Variants in ESYT2 observed in about 807,000 individuals in gnomAD.
The protein encoded by ESYT2 is extended synaptotagmin-2.
ESYT2 carries 54 observed loss-of-function variants against 107.2 expected under a neutral mutation model. The observed-to-expected ratio is 0.50, with a 90% CI of 0.40 to 0.63. The LOEUF (loss-of-function observed/expected upper bound fraction) is 0.63, where lower values mean the gene tolerates loss of function less well. Among genes scored for constraint, ESYT2 ranks in the 30% least tolerant of loss-of-function variants. The pLI is 0.00. For missense variants in ESYT2, 1,020 were observed against 1,094.5 expected (o/e 0.93, Z 0.96); for synonymous variants, 491 against 434.1 (o/e 1.13, Z -1.63).
intron 16 of ESYT2, 88 bp downstream of exon 16, chr7:158,748,106 G>A: frequency 8.4e-7 from 1 of 1,192,406 alleles, no homozygotes. Context: ...ATCCCCAGGT[G>A]TATACACGGG....
At position 158,762,016 on chromosome 7, in the gene ESYT2, G is replaced by A. The variant is rs532352895; in HGVS notation, c.1185-472C>T. ...CTCGCACAGTGAACGCTAACCTCAC[G>A]TTCCCCCACCCTTGCTCCCAGGCTC... On this transcript the variant is annotated intron_variant, in intron 10 of 22. Coordinates refer to ENST00000275418, the MANE Select transcript of ESYT2 (RefSeq NM_001367773.1). Among the ~76,000 whole-genome samples, 7 of 152,052 alleles carry A rather than the reference G, an allele frequency of 4.6e-5. No individual in the cohort carries two copies. In the East Asian group the frequency reaches 1.2e-3, roughly 25 times the overall value.
intron 1 of ESYT2, among the ~76,000 whole-genome samples, chr7:158,819,787 T>C (rs2129474250): frequency 6.6e-6 from 1 of 152,304 alleles, no homozygotes; most frequent in East Asian, 1.9e-4. Flanking sequence ...CAACTACATG[T>C]TCATTAAATA....
chr7:158,741,461 C>T (rs1266997044), intron 18 of ESYT2, 62 bp downstream of exon 18: 5 of 1,396,760 alleles, frequency 3.6e-6, no homozygotes, highest in Non-Finnish European at 4.6e-6. Context: ...CGACTCTCCC[C>T]CAGCGTGGGG....
chr7:158,806,731 A>G (rs1839843231), intron 1 of ESYT2, among the ~76,000 whole-genome samples: 1 of 152,246 alleles, frequency 6.6e-6, no homozygotes, highest in East Asian at 1.9e-4. Flanking sequence ...TCGTGATTTA[A>G]GCTGAAGTTC....
chr7:158,735,512 G>A lies in ESYT2; in HGVS notation c.2496C>T (p.Leu832=). Residue 832 remains leucine (L), a synonymous_variant, in exon 21 of 23, where the codon CTC becomes CTT. Coordinates refer to ENST00000275418, the MANE Select transcript of ESYT2 (RefSeq NM_001367773.1). ...TTCGTTTGGCACTTACTTTGCCAAGGAGCCCTTTGTCTTTGGACAGGAAGC... is the reference window on the plus strand; with the variant it reads ...TTCGTTTGGCACTTACTTTGCCAAGAAGCCCTTTGTCTTTGGACAGGAAGC... The part of the protein sequence containing the change: ...SGGFLSKDKG[L]LGKVLVALAS... 1.2e-6 allele frequency: 2 copies of A among 1,613,966 alleles called. No homozygotes were observed. The highest frequency in any genetic ancestry group is 1.7e-6 in the Non-Finnish European group (2 of 1,179,846).
chr7:158,806,102 TGGGAGGCGCCGGGGC>T (rs1839821064), intron 1 of ESYT2, among the ~76,000 whole-genome samples: 3 of 151,974 alleles, frequency 2.0e-5, no homozygotes, highest in Admixed American at 2.0e-4. Context: ...GCACACCGCG[TGGGAGGCGCCGGGGC>T]ACACCGCGTG....
At chr7:158,822,839 T>C (rs1363131365) in intron 1 of ESYT2, among the ~76,000 whole-genome samples, 1 of 152,148 alleles carries the variant, frequency 6.6e-6, no homozygotes, top group Non-Finnish European at 1.5e-5. Flanking sequence ...TTAAAATTCA[T>C]ATACCTAACC....
chr7:158,744,961 ATTATT>A (rs1301371080), intron 16 of ESYT2, among the ~76,000 whole-genome samples: 1 of 152,234 alleles, frequency 6.6e-6, no homozygotes, highest in Admixed American at 6.5e-5. Flanking sequence ...GTAAGCATAG[ATTATT>A]TTGAGAATAC....
chr7:158,736,559 C>A (rs1475701896), intron 20 of ESYT2, among the ~76,000 whole-genome samples: 1 of 152,068 alleles, frequency 6.6e-6, no homozygotes, highest in Non-Finnish European at 1.5e-5. Flanking sequence ...TTGAGCCAGA[C>A]CACTAAAGAG....
At chr7:158,764,512 A>C (rs1005674711) in intron 9 of ESYT2, among the ~76,000 whole-genome samples, 165 bp downstream of exon 9, 5 of 152,226 alleles carry the variant, frequency 3.3e-5, no homozygotes, top group African/African-American at 9.6e-5. Context: ...TGTAGTAAGG[A>C]GAGAAGGTAC....
At position 158,737,309 on chromosome 7, in the gene ESYT2, A is replaced by G. The variant is rs546796592; in HGVS notation, c.2268-130T>C. Reference sequence around the variant, plus strand: ...AAACCGAGAAGCAACAAGGAACAGAATGCGTGAGGCGCTTTTGCCTCCCCC... The same window carrying G: ...AAACCGAGAAGCAACAAGGAACAGAGTGCGTGAGGCGCTTTTGCCTCCCCC... On this transcript the variant is annotated intron_variant, in intron 19 of 22. Coordinates refer to ENST00000275418, the MANE Select transcript of ESYT2 (RefSeq NM_001367773.1). 130 of 1,232,418 alleles carry G rather than the reference A, an allele frequency of 1.1e-4. No homozygotes were observed. In the African/African-American group the frequency reaches 1.8e-3, roughly 17 times the overall value. The allele number at this position is 1,232,418 out of a possible 1,614,324, so 76.3% of individuals were successfully genotyped here. A position where few individuals can be genotyped will look rare whatever the true frequency, so the allele number is the denominator to read the frequency against.
At chr7:158,781,984 T>TGC (rs1838852885) in intron 6 of ESYT2, among the ~76,000 whole-genome samples, 1 of 18,832 alleles carries the variant, frequency 5.3e-5, no homozygotes, top group Non-Finnish European at 1.4e-4. Flanking sequence ...AAGTGTGAGA[T>TGC]GTGTGTAATT....
At chr7:158,771,688 C>T (rs1584824076) in intron 7 of ESYT2, among the ~76,000 whole-genome samples, 1 of 152,328 alleles carries the variant, frequency 6.6e-6, no homozygotes, top group East Asian at 1.9e-4. Context: ...TCTGAAGTCC[C>T]TCAGAAGACA....
At chr7:158,822,681 C>A (rs1840318207) in intron 1 of ESYT2, among the ~76,000 whole-genome samples, 1 of 152,000 alleles carries the variant, frequency 6.6e-6, no homozygotes, top group Non-Finnish European at 1.5e-5. Context: ...TACAATGATT[C>A]ACACCTGTAG....
chr7:158,780,977 T>C (rs1214167135), intron 6 of ESYT2, among the ~76,000 whole-genome samples: 1 of 152,096 alleles, frequency 6.6e-6, no homozygotes, highest in Non-Finnish European at 1.5e-5. Flanking sequence ...TGTGTAAATC[T>C]ATGTGAGAAA....
chr7:158,777,275 T>C (rs1050955367), intron 6 of ESYT2, among the ~76,000 whole-genome samples: 1 of 152,108 alleles, frequency 6.6e-6, no homozygotes, highest in African/African-American at 2.4e-5. Context: ...AATAGGGAGA[T>C]CCAGGAGAGG....
intron 6 of ESYT2, among the ~76,000 whole-genome samples, chr7:158,783,661 G>A (rs1317550931): frequency 6.6e-6 from 1 of 152,170 alleles, no homozygotes; most frequent in East Asian, 1.9e-4. Flanking sequence ...AGGAAGACGA[G>A]ATCCCCACAA....
chr7:158,829,039 A>T (rs1840548114), intron 1 of ESYT2, 50 bp downstream of exon 1: 1 of 1,551,956 alleles, frequency 6.4e-7, no homozygotes, highest in East Asian at 2.4e-5. Flanking sequence ...GGACGAGGGG[A>T]GATCGGGACT....
chr7:158,802,222 C>G (rs570719683), intron 1 of ESYT2, among the ~76,000 whole-genome samples: 1 of 152,106 alleles, frequency 6.6e-6, no homozygotes, highest in Non-Finnish European at 1.5e-5. Context: ...CCTTGAAGAC[C>G]AGTATTAACA....
Sources: gnomAD v4.1 joint callset for allele counts (sites outside exome capture counted in the v4.1 genomes callset) on GRCh38, gnomAD v4.1.1 for gene constraint, MANE v1.5 for transcripts, NCBI Gene and HGNC (gene_info 2026-07-23, HGNC 2026-07-21) for gene names.